Variants in HIP1 observed in about 807,000 individuals in gnomAD.
The protein encoded by HIP1 is huntingtin interacting protein 1.
Under a neutral mutation model 147.6 loss-of-function variants are expected in HIP1, and 65 were observed. That is an observed-to-expected ratio of 0.44 (90% CI 0.36 to 0.54). The LOEUF (loss-of-function observed/expected upper bound fraction) is 0.54, where lower values mean the gene tolerates loss of function less well. HIP1 is among the 20% of genes least tolerant of loss of function. The pLI is 0.00. For missense variants in HIP1, 1,061 were observed against 1,299.6 expected, an observed-to-expected ratio of 0.82 and a Z score of 2.82; for synonymous variants, 479 against 504.0, an observed-to-expected ratio of 0.95 and a Z score of 0.67.
chr7:75,559,822 C>T lies in HIP1; in HGVS notation c.1285G>A (p.Asp429Asn), dbSNP rs1346895317. ...QQHLRQQAAD[D>N]CEFLRAELDE... ...AGTTCTGCCCGCAGGAATTCACAGT[C>T]GTCGGCCGCCTGCTGCCGCAGGTGC... The change falls in exon 14 of 31, where the codon GAC becomes AAC. Residue 429 changes from aspartate (D) to asparagine (N), a missense_variant. By Grantham distance (23) the Asp-to-Asn change is conservative. Transcript: ENST00000336926. The T allele has an allele frequency of 5.6e-6, 9 of 1,612,836 alleles. No homozygotes were observed. The highest frequency in any genetic ancestry group is 4.4e-5 in the South Asian group (4 of 91,064).
At chr7:75,671,891 T>C (rs2705825) in intron 1 of HIP1, among the ~76,000 whole-genome samples, 107,428 of 152,064 alleles carry the variant, frequency 0.71, 38,378 homozygotes, top group African/African-American at 0.81. Flanking sequence ...CGCGTCACCA[T>C]GCCTGGCTAA....
chr7:75,627,001 TC>T (rs1798066831), intron 1 of HIP1: 1 of 152,220 alleles, frequency 6.6e-6, no homozygotes, highest in Admixed American at 6.5e-5. Context: ...TTATACCTTT[TC>T]ATATTTTCTG....
rs1185103666 is a variant in HIP1 at position 75,556,104 on chromosome 7, G to T, written c.1749C>A (p.Gly583=). 6.2e-7 allele frequency: 1 copy of T among 1,614,158 alleles called. No homozygotes were observed. The highest frequency in any genetic ancestry group is 2.2e-5 in the East Asian group (1 of 44,880). The stretch of plus-strand genomic sequence containing the variant: ...ATAATTCCTCCTCCCTATGAGCTGC[G>T]CCACTCACCAGGCTGTCCCGCTCCT... ...LEKERDSLVS[G]AAHREEELSA... Residue 583 remains glycine (G), a synonymous_variant, in exon 18 of 31, where the codon GGC becomes GGA. Coordinates refer to ENST00000336926, the MANE Select transcript of HIP1 (RefSeq NM_005338.7).
intron 1 of HIP1, among the ~76,000 whole-genome samples, chr7:75,669,567 A>C (rs1333192185): frequency 1.0e-5 from 1 of 98,662 alleles, no homozygotes; most frequent in Non-Finnish European, 2.1e-5. Context: ...GTCTCAAAAA[A>C]ACAAAACAAA....
At chr7:75,583,874 C>T (rs928857652) in intron 5 of HIP1, among the ~76,000 whole-genome samples, 4 of 151,642 alleles carry the variant, frequency 2.6e-5, no homozygotes, top group Admixed American at 1.3e-4. Flanking sequence ...GTGATCCGCC[C>T]GCCTTGGCCT....
chr7:75,728,569 A>G (rs1801725942), intron 1 of HIP1, among the ~76,000 whole-genome samples: 1 of 152,172 alleles, frequency 6.6e-6, no homozygotes, highest in Non-Finnish European at 1.5e-5. Flanking sequence ...ATGAATGGGG[A>G]GCAGAAAACA....
intron 1 of HIP1, among the ~76,000 whole-genome samples, chr7:75,654,199 A>T (rs1986262): frequency 0.033 from 4,950 of 152,238 alleles, 273 homozygotes; most frequent in African/African-American, 0.11. Context: ...GTTTAAGACC[A>T]GCCTGGTCAA....
At position 75,663,995 on chromosome 7, in the gene HIP1, CACATATATGTGTATAT is replaced by C. The variant is rs1431041824; in HGVS notation, c.121-64764_121-64749del. Among the ~76,000 whole-genome samples, 46 of 24,706 alleles carry C rather than the reference CACATATATGTGTATAT, an allele frequency of 1.9e-3. 7 individuals are homozygous for C. The highest frequency in any genetic ancestry group is 0.01 in the African/African-American group (36 of 3,532). 16.2% of individuals were successfully genotyped at this position (24,706 alleles called of 152,430 possible). A position where few individuals can be genotyped will look rare whatever the true frequency, so the allele number is the denominator to read the frequency against. ...ATACACATATATGTGTATATATATA[CACATATATGTGTATAT>C]ATATACACATATATGTGTATATATA... On this transcript the variant is annotated intron_variant, in intron 1 of 30. Transcript: ENST00000336926.
In HIP1 at chr7:75,581,344, G is replaced by A. The variant is rs587665582; in HGVS notation, c.543-46C>T. On this transcript the variant is annotated intron_variant, in intron 6 of 30. Transcript: ENST00000336926. ...AGCTTACACTCCACAGCCTGAGGCC[G>A]GTCTGTTACCTGTCCCCTCCCCCAC... is the stretch of plus-strand genomic sequence containing the variant. 458 of 1,480,118 alleles carry A rather than the reference G, an allele frequency of 3.1e-4. 2 individuals are homozygous for A. In the South Asian group the frequency reaches 4.8e-3, roughly 16 times the overall value. 91.7% of individuals were successfully genotyped at this position (1,480,118 alleles called of 1,614,324 possible).
chr7:75,555,016 A>G (rs1247490151), intron 19 of HIP1, among the ~76,000 whole-genome samples: 4 of 151,774 alleles, frequency 2.6e-5, no homozygotes, highest in Admixed American at 2.0e-4. Flanking sequence ...GACCAGTCTG[A>G]GCAACAAACC....
At chr7:75,703,088 G>A (rs533480205) in intron 1 of HIP1, among the ~76,000 whole-genome samples, 13 of 152,330 alleles carry the variant, frequency 8.5e-5, no homozygotes, top group African/African-American at 2.4e-4. Flanking sequence ...GGTGGCTCAC[G>A]CCTGTAATCC....
At chr7:75,607,565 G>A (rs939985338) in intron 1 of HIP1, among the ~76,000 whole-genome samples, 1 of 150,990 alleles carries the variant, frequency 6.6e-6, no homozygotes, top group Admixed American at 6.6e-5. Flanking sequence ...TGTCAAGTGC[G>A]GTGGCCGTGC....
chr7:75,652,427 G>A (rs1307272502), intron 1 of HIP1, among the ~76,000 whole-genome samples: 1 of 151,962 alleles, frequency 6.6e-6, no homozygotes, highest in Non-Finnish European at 1.5e-5. Flanking sequence ...GCAGTGGTGC[G>A]ATTATAACTC....
chr7:75,669,584 C>CAAAA (rs71098055), intron 1 of HIP1, among the ~76,000 whole-genome samples: 85,725 of 151,276 alleles, frequency 0.57, 24,725 homozygotes, highest in African/African-American at 0.66. Context: ...CAAAACAAAA[C>CAAAA]AAGAAACACC....
chr7:75,620,386 T>TA (rs34932997), intron 1 of HIP1, among the ~76,000 whole-genome samples: 7,742 of 67,008 alleles, frequency 0.12, 353 homozygotes, highest in Admixed American at 0.25. Flanking sequence ...ACCATGTCTT[T>TA]AAAAAAAAAA....
At chr7:75,571,377 AC>A (rs1554496617) in intron 8 of HIP1, among the ~76,000 whole-genome samples, 1 of 151,814 alleles carries the variant, frequency 6.6e-6, no homozygotes, top group East Asian at 1.9e-4. Flanking sequence ...GGCCCACTCC[AC>A]CCTCTCAGCT....
At chr7:75,662,211 T>G (rs962140146) in intron 1 of HIP1, among the ~76,000 whole-genome samples, 1 of 152,066 alleles carries the variant, frequency 6.6e-6, no homozygotes, top group African/African-American at 2.4e-5. Context: ...TGAGACAGGT[T>G]CTTGTTCTGT....
chr7:75,568,193 A>G lies in HIP1; in HGVS notation c.803+6T>C, dbSNP rs782611099. ...CACCTCCATTCCTGTTACTTGAACC[A>G]CTTACTTTGTAAACTGCTCCATGAA... On this transcript the variant is annotated splice_donor_region_variant and intron_variant, in intron 9 of 30. Coordinates refer to ENST00000336926, the MANE Select transcript of HIP1 (RefSeq NM_005338.7). This position sits in a 1 kb window ranked among gnomAD's most constrained non-coding sequence, Gnocchi z 4.1. 2 of 1,603,804 alleles carry G rather than the reference A, an allele frequency of 1.2e-6. No homozygotes were observed. Among genetic ancestry groups the G allele is most frequent in the South Asian group, 2.2e-5 (2 of 90,850 alleles).
chr7:75,650,964 G>A (rs1283515046), intron 1 of HIP1, among the ~76,000 whole-genome samples: 1 of 152,130 alleles, frequency 6.6e-6, no homozygotes, highest in African/African-American at 2.4e-5. Context: ...GGAAGAGAAA[G>A]GAAAACACAG....
Sources: gnomAD v4.1 joint callset for allele counts (sites outside exome capture counted in the v4.1 genomes callset) on GRCh38, gnomAD v4.1.1 for gene constraint, Gnocchi (gnomAD v3.1) non-coding constraint, MANE v1.5 for transcripts, NCBI Gene and HGNC (gene_info 2026-07-23, HGNC 2026-07-21) for gene names.